Variants in CLSTN2 observed in about 807,000 individuals in gnomAD.
The protein encoded by CLSTN2 is calsyntenin-2.
In CLSTN2, 48 loss-of-function variants were observed where a neutral mutation model predicts 101.2. The observed-to-expected ratio is 0.47, with a 90% CI of 0.38 to 0.60. The LOEUF is 0.60. CLSTN2 is among the 20% of genes least tolerant of loss of function. CLSTN2 has a pLI of 0.00. For missense variants in CLSTN2, 1,160 were observed against 1,238.2 expected, an observed-to-expected ratio of 0.94 and a Z score of 0.95; for synonymous variants, 481 against 463.6, an observed-to-expected ratio of 1.04 and a Z score of -0.48.
At chr3:139,981,993 T>C (rs748270734) in intron 1 of CLSTN2, among the ~76,000 whole-genome samples, 1 of 152,162 alleles carries the variant, frequency 6.6e-6, no homozygotes, top group African/African-American at 2.4e-5. Context: ...TTGCCATGAT[T>C]TGAGCATTCC....
In CLSTN2 at chr3:140,172,337, A is replaced by G. The variant is rs762050801; in HGVS notation, c.110-3614A>G. Among the ~76,000 whole-genome samples the G allele has an allele frequency of 9.7e-4, 147 of 152,254 alleles. 1 individual carries two copies. Among genetic ancestry groups the G allele is most frequent in the Non-Finnish European group, 1.8e-3 (125 of 68,032 alleles). On this transcript the variant is annotated intron_variant, in intron 1 of 16. Coordinates refer to ENST00000458420, the MANE Select transcript of CLSTN2 (RefSeq NM_022131.3). ...ACCAGTGTGCAGAATAGAATGGAGT[A>G]GGGCAAGATTTCCAATGGAGAGACC...
chr3:140,077,752 C>T (rs776961169), intron 1 of CLSTN2, among the ~76,000 whole-genome samples: 1 of 152,004 alleles, frequency 6.6e-6, no homozygotes, highest in Non-Finnish European at 1.5e-5. Flanking sequence ...TACTTTTGCT[C>T]ACTGCCCACA....
intron 2 of CLSTN2, among the ~76,000 whole-genome samples, chr3:140,381,929 A>G (rs1300563208): frequency 6.6e-6 from 1 of 152,230 alleles, no homozygotes; most frequent in Non-Finnish European, 1.5e-5. Context: ...TGAATTGAAT[A>G]ACATGATGTG....
chr3:140,421,773 G>A (rs990929577), intron 5 of CLSTN2, among the ~76,000 whole-genome samples: 2 of 152,176 alleles, frequency 1.3e-5, no homozygotes, highest in Admixed American at 6.5e-5. Flanking sequence ...GAATGAAGAA[G>A]CAATGGCTTT....
At chr3:140,383,374 T>G (rs1487893475) in intron 2 of CLSTN2, among the ~76,000 whole-genome samples, 1 of 152,182 alleles carries the variant, frequency 6.6e-6, no homozygotes, top group Non-Finnish European at 1.5e-5. Flanking sequence ...TGAGTTTGAT[T>G]GGCTGAGAGA....
intron 1 of CLSTN2, among the ~76,000 whole-genome samples, chr3:139,987,388 A>T (rs1936043479): frequency 6.6e-6 from 1 of 152,224 alleles, no homozygotes; most frequent in Admixed American, 6.5e-5. Flanking sequence ...TTGCAGCATT[A>T]TCTATGGCAG....
intron 1 of CLSTN2, among the ~76,000 whole-genome samples, chr3:140,150,804 C>A (rs977635609): frequency 6.6e-6 from 1 of 152,082 alleles, no homozygotes; most frequent in African/African-American, 2.4e-5. Context: ...TCCTGCACAC[C>A]AAATTCTGTC....
At chr3:140,242,503 T>C (rs1031805874) in intron 2 of CLSTN2, among the ~76,000 whole-genome samples, 1 of 152,202 alleles carries the variant, frequency 6.6e-6, no homozygotes, top group Non-Finnish European at 1.5e-5. Flanking sequence ...CCCTGTTCTC[T>C]GAGTTCAGCC....
At chr3:140,197,791 G>A (rs1397866943) in intron 2 of CLSTN2, among the ~76,000 whole-genome samples, 1 of 152,188 alleles carries the variant, frequency 6.6e-6, no homozygotes, top group Non-Finnish European at 1.5e-5. Context: ...TGTTGAAGTT[G>A]AGAAATCCTA....
At chr3:139,997,631 G>A (rs2006704976) in intron 1 of CLSTN2, among the ~76,000 whole-genome samples, 1 of 152,104 alleles carries the variant, frequency 6.6e-6, no homozygotes, top group African/African-American at 2.4e-5. Context: ...TCTGTACTTA[G>A]TCTTTGTATC....
chr3:140,527,876 A>G (rs891561288), intron 8 of CLSTN2, among the ~76,000 whole-genome samples: 1 of 152,144 alleles, frequency 6.6e-6, no homozygotes, highest in Admixed American at 6.5e-5. Context: ...TTGGATACCC[A>G]TAGACATAAA....
rs919993348 is a variant in CLSTN2, at chr3:140,120,938, C to A, written c.110-55013C>A. Among the ~76,000 whole-genome samples the A allele has an allele frequency of 2.0e-5, 3 of 152,146 alleles. No homozygotes were observed. In the South Asian group the frequency reaches 6.2e-4, roughly 32 times the overall value. ...CCAGGTACACACACATTTTCAATGCCCCTGAAGTATTTTGGAATCATCTAC... is the reference window on the plus strand; with the variant it reads ...CCAGGTACACACACATTTTCAATGCACCTGAAGTATTTTGGAATCATCTAC... On this transcript the variant is annotated intron_variant, in intron 1 of 16. Transcript: ENST00000458420.
At chr3:140,314,794 A>G (rs1576511913) in intron 2 of CLSTN2, among the ~76,000 whole-genome samples, 1 of 151,926 alleles carries the variant, frequency 6.6e-6, no homozygotes, top group Non-Finnish European at 1.5e-5. Flanking sequence ...TTTTACTTAC[A>G]TCAGGCCCAC....
chr3:140,097,425 T>C (rs2107788426), intron 1 of CLSTN2, among the ~76,000 whole-genome samples: 1 of 152,294 alleles, frequency 6.6e-6, no homozygotes, highest in South Asian at 2.1e-4. Flanking sequence ...TTTCTTGCGA[T>C]CACCTTGATG....
chr3:139,946,172 C>T (rs1935211898), intron 1 of CLSTN2, among the ~76,000 whole-genome samples: 1 of 152,222 alleles, frequency 6.6e-6, no homozygotes, highest in Non-Finnish European at 1.5e-5. Flanking sequence ...ATGATTTCCT[C>T]TGCAGCAATA....
At chr3:140,046,190 G>T (rs2007876697) in intron 1 of CLSTN2, among the ~76,000 whole-genome samples, 1 of 152,042 alleles carries the variant, frequency 6.6e-6, no homozygotes, top group African/African-American at 2.4e-5. Context: ...TATGAATCTG[G>T]GTGCTCCTGT....
rs149126503 is a variant in CLSTN2 at position 140,200,512 on chromosome 3, G to A, written c.232+24439G>A. Among the ~76,000 whole-genome samples the A allele has an allele frequency of 1.4e-4, 21 of 152,234 alleles. No individual in the cohort carries two copies. The East Asian group carries it at 2.5e-3, about 18-fold the overall frequency. On this transcript the variant is annotated intron_variant, in intron 2 of 16. Transcript: ENST00000458420. Reference sequence around the variant, plus strand: ...AGTCTGTGAAATGGCAATGCTAATAGCATGCTCTTTATATCTACAGGATAG... The same window carrying A: ...AGTCTGTGAAATGGCAATGCTAATAACATGCTCTTTATATCTACAGGATAG...
intron 1 of CLSTN2, among the ~76,000 whole-genome samples, chr3:140,069,786 C>G (rs1256427328): frequency 6.6e-6 from 1 of 152,142 alleles, no homozygotes; most frequent in Non-Finnish European, 1.5e-5. Context: ...GCTAGGACTA[C>G]AGGGTTGATA....
chr3:139,976,649 G>A (rs1935823819), intron 1 of CLSTN2, among the ~76,000 whole-genome samples: 1 of 152,106 alleles, frequency 6.6e-6, no homozygotes, highest in South Asian at 2.1e-4. Flanking sequence ...AGGGATAGCT[G>A]GGGCAGAGGA....
Sources: gnomAD v4.1 joint callset for allele counts (sites outside exome capture counted in the v4.1 genomes callset) on GRCh38, gnomAD v4.1.1 for gene constraint, MANE v1.5 for transcripts, NCBI Gene and HGNC (gene_info 2026-07-23, HGNC 2026-07-21) for gene names.